The following SCUBE2 variants were observed in gnomAD, a reference collection of about 807,000 sequenced individuals.
SCUBE2 encodes signal peptide, CUB domain and EGF like domain containing 2, also known as signal peptide, CUB and EGF-like domain-containing protein 2.
A neutral mutation model predicts 125.9 loss-of-function variants in SCUBE2; 114 were observed. That is an observed-to-expected ratio of 0.91 (90% confidence interval 0.78 to 1.06). The LOEUF (loss-of-function observed/expected upper bound fraction) is 1.06. SCUBE2 is among the 50% of genes least tolerant of loss of function. The pLI is 0.00. For synonymous variants in SCUBE2, 459 were observed against 492.9 expected, an observed-to-expected ratio of 0.93 and a Z score of 0.91; for missense variants, 1,255 against 1,301.8, an observed-to-expected ratio of 0.96 and a Z score of 0.55.
intron 8 of SCUBE2, chr11:9,059,756 T>C (rs760580645): frequency 2.8e-5 from 7 of 246,976 alleles, no homozygotes; most frequent in Admixed American, 2.0e-4. Flanking sequence ...TGGGTCTCTT[T>C]AGTACACTAT....
In SCUBE2 at chr11:9,091,461, G is replaced by A. The variant is rs1277095500; in HGVS notation, c.68C>T (p.Pro23Leu). The change falls in exon 1 of 23, where the codon CCG (proline) becomes CTG (leucine). Residue 23 changes from proline (P) to leucine (L), a missense_variant. Physicochemically the swap from Pro to Leu is moderately conservative, Grantham distance 98. Around this residue, in one of 3 missense-constraint regions of SCUBE2, gnomAD observed 362 missense variants for 323.0 expected, o/e 1.12. Transcript: ENST00000649792. The surrounding 1 kb of genome is among the most constrained non-coding windows in gnomAD (Gnocchi z 8.5). ...WAVLLLLLLL[P>L]PLLLLAGAVP... ...GGCCCCCGCCAGCAGCAGCAGTGGCGGCAGCAGCAGCAGCAGCAGCAGCAC... is the reference window on the plus strand; with the variant it reads ...GGCCCCCGCCAGCAGCAGCAGTGGCAGCAGCAGCAGCAGCAGCAGCAGCAC... 2.5e-6 allele frequency: 3 copies of A among 1,222,994 alleles called. No homozygotes were observed. The highest frequency in any genetic ancestry group is 3.2e-6 in the Non-Finnish European group (3 of 947,110). The allele number at this position is 1,222,994 out of a possible 1,614,324, so 75.8% of individuals were successfully genotyped here. A position where few individuals can be genotyped will look rare whatever the true frequency, so the allele number is the denominator to read the frequency against.
intron 16 of SCUBE2, among the ~76,000 whole-genome samples, chr11:9,041,113 C>T (rs141700915): frequency 0.014 from 2,100 of 152,330 alleles, 28 homozygotes; most frequent in Non-Finnish European, 0.021. Context: ...AAGATTCTAC[C>T]TTAAGATGCT....
chr11:9,025,308 A>T (rs138485781), intron 21 of SCUBE2, among the ~76,000 whole-genome samples: 4 of 152,390 alleles, frequency 2.6e-5, no homozygotes, highest in African/African-American at 9.6e-5. Context: ...TGTGCCAGGC[A>T]CTGCCTCACG....
intron 5 of SCUBE2, among the ~76,000 whole-genome samples, chr11:9,068,465 G>A (rs1365668932): frequency 6.6e-6 from 1 of 152,138 alleles, no homozygotes; most frequent in Admixed American, 6.5e-5. Context: ...GAAAAATGAG[G>A]CAAGGTCCCT....
At chr11:9,039,548 C>T (rs182161267) in intron 16 of SCUBE2, among the ~76,000 whole-genome samples, 243 of 152,244 alleles carry the variant, frequency 1.6e-3, no homozygotes, top group African/African-American at 5.6e-3. Context: ...TAGGAAGGCA[C>T]GGGTTCTACT....
chr11:9,036,124 A>G (rs1245453717), intron 16 of SCUBE2, among the ~76,000 whole-genome samples: 1 of 152,230 alleles, frequency 6.6e-6, no homozygotes, highest in Non-Finnish European at 1.5e-5. Context: ...TCCTGACTTC[A>G]GGTGATCCAC....
chr11:9,091,444 C>CCAG lies in SCUBE2; in HGVS notation c.82_84dup (p.Leu28dup). The CCAG allele has an allele frequency of 2.3e-6, 3 of 1,331,100 alleles. No homozygotes were observed. Among genetic ancestry groups the CCAG allele is most frequent in the Non-Finnish European group, 1.9e-6 (2 of 1,044,544 alleles). The allele number at this position is 1,331,100 out of a possible 1,614,324, so 82.5% of individuals were successfully genotyped here. On this transcript the variant is annotated inframe_insertion, in exon 1 of 23. Transcript: ENST00000649792. The surrounding 1 kb of genome is among the most constrained non-coding windows in gnomAD (Gnocchi z 8.5). ...CCCCGACCCGGCGGGACGGCCCCCG[C>CCAG]CAGCAGCAGCAGTGGCGGCAGCAGC...
intron 1 of SCUBE2, among the ~76,000 whole-genome samples, chr11:9,090,634 G>A (rs1017396582): frequency 3.9e-5 from 6 of 152,046 alleles, no homozygotes; most frequent in African/African-American, 1.4e-4. Flanking sequence ...CCCCGGGATC[G>A]GAGCAGATGT....
rs1855684810 is a variant in SCUBE2, at chr11:9,025,767, A to C, written c.2789T>G (p.Ile930Ser). The change falls in exon 21 of 23, where the codon ATT (isoleucine) becomes AGT (serine). Residue 930 changes from isoleucine (I) to serine (S), a missense_variant. Physicochemically the swap from Ile to Ser is moderately radical, Grantham distance 142. Transcript: ENST00000649792. ...AFTSRSKKLW[I>S]QFKSNEGNSA... ...GTTCCCTTCATTGGACTTGAACTGA[A>C]TCCACAGCTTCTTTGACCTGGAGGT... 6.2e-7 allele frequency: 1 copy of C among 1,614,036 alleles called. No individual in the cohort carries two copies. The highest frequency in any genetic ancestry group is 1.3e-5 in the African/African-American group (1 of 74,910).
intron 4 of SCUBE2, among the ~76,000 whole-genome samples, chr11:9,072,965 T>C (rs1331599141): frequency 2.0e-5 from 3 of 152,228 alleles, no homozygotes; most frequent in African/African-American, 7.2e-5. Flanking sequence ...AGTACAGGGA[T>C]AAGAGGTGAT....
chr11:9,027,842 A>C (rs1028398374), intron 19 of SCUBE2, among the ~76,000 whole-genome samples: 3 of 152,062 alleles, frequency 2.0e-5, no homozygotes, highest in African/African-American at 7.2e-5. Context: ...AAAAGGATAA[A>C]TTTAGCTTTC....
At chr11:9,079,004 C>T (rs1256077019) in intron 3 of SCUBE2, among the ~76,000 whole-genome samples, 3 of 152,002 alleles carry the variant, frequency 2.0e-5, no homozygotes, top group East Asian at 3.9e-4. Flanking sequence ...CCCCAGCACA[C>T]ATTTGGAGTC....
intron 6 of SCUBE2, among the ~76,000 whole-genome samples, chr11:9,066,220 G>A (rs1860214867): frequency 6.6e-6 from 1 of 152,226 alleles, no homozygotes; most frequent in Admixed American, 6.5e-5. Context: ...ACTGACCAAA[G>A]AGACACTAGG....
chr11:9,050,565 C>A, intron 14 of SCUBE2, 41 bp downstream of exon 14: 1 of 1,517,920 alleles, frequency 6.6e-7, no homozygotes. Flanking sequence ...CCCCTTCCCA[C>A]ATGCAGGCAA....
intron 16 of SCUBE2, among the ~76,000 whole-genome samples, chr11:9,046,207 A>AGTAG (rs1857742726): frequency 1.3e-5 from 2 of 151,248 alleles, no homozygotes; most frequent in African/African-American, 4.9e-5. Context: ...GCGGGGTTTC[A>AGTAG]CCATGCTGGC....
At chr11:9,076,423 C>T (rs984742057) in intron 3 of SCUBE2, among the ~76,000 whole-genome samples, 2 of 151,972 alleles carry the variant, frequency 1.3e-5, no homozygotes, top group Admixed American at 6.6e-5. Flanking sequence ...TACTCATCTA[C>T]CTCTACTAGA....
Position 9,081,196 on chromosome 11 carries a change from ATCTTT to A in SCUBE2, c.257-1692_257-1688del, listed in dbSNP as rs1236797788. 3.3e-5 allele frequency among the ~76,000 whole-genome samples: 5 copies of A among 152,214 alleles called. No individual in the cohort carries two copies. In the East Asian group the frequency reaches 9.6e-4, roughly 29 times the overall value. ...CCACTTTGGACAAGAGTTTGGCAGTATCTTTTCTTTTCTTTCTGTAAATGTACAGT... is the reference window on the plus strand; with the variant it reads ...CCACTTTGGACAAGAGTTTGGCAGTATCTTTTCTTTCTGTAAATGTACAGT... On this transcript the variant is annotated intron_variant, in intron 2 of 22. Transcript: ENST00000649792.
chr11:9,055,657 A>G, intron 10 of SCUBE2, 136 bp downstream of exon 10: 1 of 695,780 alleles, frequency 1.4e-6, no homozygotes, highest in South Asian at 1.7e-5. Flanking sequence ...AAGTTGATGG[A>G]CTCACCGCTA....
intron 19 of SCUBE2, 103 bp from the exon 20 acceptor site, chr11:9,027,664 T>C: frequency 2.0e-6 from 2 of 975,682 alleles, no homozygotes; most frequent in Middle Eastern, 2.3e-4. Context: ...CACCCAGGAA[T>C]GGGGCATGAA....
Sources: allele counts gnomAD v4.1 joint callset (sites outside exome capture counted in the v4.1 genomes callset), GRCh38; gene constraint gnomAD v4.1.1; regional missense constraint gnomAD v4.1.1; non-coding constraint Gnocchi (gnomAD v3.1); transcripts MANE v1.5; gene names NCBI Gene and HGNC (gene_info 2026-07-23, HGNC 2026-07-21).